PCSK2: variants seen among roughly 807,000 people sequenced by gnomAD.
The protein encoded by PCSK2 is proprotein convertase subtilisin/kexin type 2.
PCSK2 carries 14 observed loss-of-function variants against 69.7 expected under a neutral mutation model. That is an observed-to-expected ratio of 0.20 (90% CI 0.13 to 0.31). The LOEUF is 0.31. Ranked by LOEUF, PCSK2 falls within the 10% of genes least tolerant of loss-of-function variation. The pLI is 1.00. For missense variants in PCSK2, 544 were observed against 842.5 expected (o/e 0.65, Z 4.39); for synonymous variants, 307 against 320.7 (o/e 0.96, Z 0.46).
chr20:17,243,257 G>A (rs1477543660), intron 1 of PCSK2, among the ~76,000 whole-genome samples: 1 of 152,172 alleles, frequency 6.6e-6, no homozygotes, highest in African/African-American at 2.4e-5. Flanking sequence ...CTGGAGTACA[G>A]TGGTATGATC....
At chr20:17,263,130 T>TA in intron 2 of PCSK2, 5 of 984,966 alleles carry the variant, frequency 5.1e-6, no homozygotes, top group Non-Finnish European at 6.0e-6. Context: ...ACCCAAGAAA[T>TA]AAAAAAGAAA....
intron 7 of PCSK2, among the ~76,000 whole-genome samples, chr20:17,433,812 T>TCTCTCTCTCTCTCTCTCTCTC (rs774361715): frequency 4.8e-5 from 5 of 104,132 alleles, no homozygotes; most frequent in African/African-American, 1.2e-4. Context: ...TCTCTCTCTC[T>TCTCTCTCTCTCTCTCTCTCTC]CCCCCCACTT....
intron 2 of PCSK2, among the ~76,000 whole-genome samples, chr20:17,285,811 C>A (rs569558817): frequency 1.5e-4 from 23 of 152,272 alleles, no homozygotes; most frequent in Middle Eastern, 3.4e-3. Context: ...TAAGGACACA[C>A]TCAACTTCAT....
At chr20:17,363,310 C>A (rs1356104483) in intron 4 of PCSK2, among the ~76,000 whole-genome samples, 2 of 152,204 alleles carry the variant, frequency 1.3e-5, no homozygotes. Context: ...CAATAAATAT[C>A]TGCTGCCTTC....
At chr20:17,400,910 A>G (rs1302549886) in intron 5 of PCSK2, among the ~76,000 whole-genome samples, 1 of 152,188 alleles carries the variant, frequency 6.6e-6, no homozygotes, top group African/African-American at 2.4e-5. Flanking sequence ...ACTCATCCCC[A>G]GTGTTGGAGA....
intron 2 of PCSK2, among the ~76,000 whole-genome samples, chr20:17,288,585 G>A (rs929481330): frequency 5.3e-5 from 8 of 152,290 alleles, no homozygotes; most frequent in African/African-American, 1.7e-4. Context: ...ATTGGAGATT[G>A]GGCCTTTAAA....
At chr20:17,334,089 G>A (rs1185174124) in intron 2 of PCSK2, among the ~76,000 whole-genome samples, 3 of 151,766 alleles carry the variant, frequency 2.0e-5, no homozygotes, top group Non-Finnish European at 4.4e-5. Flanking sequence ...TTACTTACCA[G>A]CTCAAGTCAC....
At chr20:17,378,013 G>T (rs1195389327) in intron 5 of PCSK2, among the ~76,000 whole-genome samples, 1 of 152,146 alleles carries the variant, frequency 6.6e-6, no homozygotes, top group Non-Finnish European at 1.5e-5. Flanking sequence ...AAGCCGTATT[G>T]TTCCCACTGT....
chr20:17,429,569 G>A, intron 7 of PCSK2, 46 bp downstream of exon 7: 1 of 1,279,342 alleles, frequency 7.8e-7, no homozygotes, highest in Non-Finnish European at 1.1e-6. Flanking sequence ...GTATCACACT[G>A]ATCTCAAGGC....
rs187047009 is a variant in PCSK2 at position 17,333,852 on chromosome 20, A to T, written c.283-24475A>T. On this transcript the variant is annotated intron_variant, in intron 2 of 11. Transcript: ENST00000262545. ...AGAACCGTGCTAGCACATGGAAGTT[A>T]TTCAGTAAGTCTTCACTGTGCTATT... Among the ~76,000 whole-genome samples, 1,335 of 145,700 alleles carry T rather than the reference A, an allele frequency of 9.2e-3. 16 individuals carry two copies. Among genetic ancestry groups the T allele is most frequent in the Middle Eastern group, 0.036 (10 of 280 alleles).
intron 11 of PCSK2, among the ~76,000 whole-genome samples, chr20:17,477,437 T>C (rs1333319411): frequency 6.6e-6 from 1 of 152,050 alleles, no homozygotes; most frequent in African/African-American, 2.4e-5. Context: ...ATTTTTTTCT[T>C]AAATCAGGCT....
intron 2 of PCSK2, among the ~76,000 whole-genome samples, chr20:17,280,511 G>A (rs573085544): frequency 3.3e-5 from 5 of 152,294 alleles, no homozygotes; most frequent in African/African-American, 1.2e-4. Flanking sequence ...GTGTGGCAGA[G>A]CCTTCTCAAC....
intron 2 of PCSK2, among the ~76,000 whole-genome samples, chr20:17,280,568 G>A (rs957531370): frequency 3.3e-5 from 5 of 152,206 alleles, no homozygotes; most frequent in Non-Finnish European, 5.9e-5. Flanking sequence ...GGGACCTATG[G>A]CTACATATAG....
chr20:17,428,936 C>T (rs1210313777), intron 6 of PCSK2, among the ~76,000 whole-genome samples: 4 of 123,388 alleles, frequency 3.2e-5, no homozygotes, highest in African/African-American at 1.2e-4. Flanking sequence ...GAAGTCGAAG[C>T]TGCAGTAAGC....
chr20:17,241,272 T>C (rs781024833), intron 1 of PCSK2, among the ~76,000 whole-genome samples: 1 of 152,156 alleles, frequency 6.6e-6, no homozygotes, highest in Non-Finnish European at 1.5e-5. Context: ...GGGCACGGTT[T>C]TTCGGAGGAT....
At chr20:17,342,806 CT>C (rs1270748805) in intron 2 of PCSK2, among the ~76,000 whole-genome samples, 1 of 151,848 alleles carries the variant, frequency 6.6e-6, no homozygotes, top group East Asian at 1.9e-4. Flanking sequence ...TAATTGTTTT[CT>C]TTTTCTTTTC....
chr20:17,272,284 C>A (rs762375827), intron 2 of PCSK2, among the ~76,000 whole-genome samples: 1 of 152,052 alleles, frequency 6.6e-6, no homozygotes, highest in Non-Finnish European at 1.5e-5. Flanking sequence ...GCTCACTTCC[C>A]GTATCTCCCA....
At chr20:17,398,511 G>A (rs181968893) in intron 5 of PCSK2, among the ~76,000 whole-genome samples, 79 of 122,734 alleles carry the variant, frequency 6.4e-4, no homozygotes, top group Non-Finnish European at 1.1e-3. Flanking sequence ...GTTACAGAGT[G>A]AGATCCTGTC....
chr20:17,271,516 A>G (rs538758809), intron 2 of PCSK2, among the ~76,000 whole-genome samples: 1 of 152,214 alleles, frequency 6.6e-6, no homozygotes, highest in South Asian at 2.1e-4. Context: ...TAAATTACAA[A>G]TTGAGGTGGG....
Sources: gnomAD v4.1 joint callset for allele counts (sites outside exome capture counted in the v4.1 genomes callset) on GRCh38, gnomAD v4.1.1 for gene constraint, MANE v1.5 for transcripts, NCBI Gene and HGNC (gene_info 2026-07-23, HGNC 2026-07-21) for gene names.